Variants in CUL2 observed in about 807,000 individuals in gnomAD.
CUL2 encodes cullin-2.
In CUL2, 22 loss-of-function variants were observed where a neutral mutation model predicts 110.2. The observed-to-expected ratio is 0.20, with a 90% CI of 0.14 to 0.28. CUL2 has a LOEUF of 0.28. CUL2 is among the 10% of genes least tolerant of loss of function. The probability of loss-of-function intolerance (pLI) is 1.00; values close to 1 mark genes in which losing one functional copy is unlikely to be tolerated. For missense variants in CUL2, 631 were observed against 905.5 expected, an observed-to-expected ratio of 0.70 and a Z score of 3.89; for synonymous variants, 279 against 293.2, an observed-to-expected ratio of 0.95 and a Z score of 0.49.
chr10:35,033,565 T>C (rs1588973229), intron 10 of CUL2, among the ~76,000 whole-genome samples: 1 of 151,630 alleles, frequency 6.6e-6, no homozygotes, highest in Non-Finnish European at 1.5e-5. Flanking sequence ...TGAAACCCCG[T>C]CTCTACTAAA....
chr10:35,026,149 G>C (rs1162989891), intron 16 of CUL2, among the ~76,000 whole-genome samples: 1 of 152,128 alleles, frequency 6.6e-6, no homozygotes, highest in Non-Finnish European at 1.5e-5. Context: ...GAAATATGTT[G>C]AGCCTATTTT....
intron 1 of CUL2, among the ~76,000 whole-genome samples, chr10:35,125,892 C>T (rs2087778588): frequency 6.6e-6 from 1 of 152,156 alleles, no homozygotes; most frequent in African/African-American, 2.4e-5. Flanking sequence ...TGCAGTGGAA[C>T]GATCTCAGCT....
intron 16 of CUL2, among the ~76,000 whole-genome samples, chr10:35,027,118 AC>A (rs1218339854): frequency 6.6e-6 from 1 of 151,576 alleles, no homozygotes; most frequent in Non-Finnish European, 1.5e-5. Flanking sequence ...ATAGATAGCT[AC>A]ATTAATATAC....
chr10:35,027,223 C>T (rs1045809199), intron 16 of CUL2, among the ~76,000 whole-genome samples: 4 of 150,518 alleles, frequency 2.7e-5, no homozygotes, highest in Admixed American at 6.6e-5. Context: ...CGGCTCACTG[C>T]AACCTCCACC....
intron 17 of CUL2, 67 bp downstream of exon 17, chr10:35,025,065 C>A: frequency 2.1e-6 from 3 of 1,403,364 alleles, no homozygotes; most frequent in African/African-American, 1.5e-5. Context: ...CATAGAAAAC[C>A]TCTTTCTAAA....
intron 4 of CUL2, among the ~76,000 whole-genome samples, chr10:35,057,206 T>C (rs993423526): frequency 1.3e-5 from 2 of 152,216 alleles, no homozygotes; most frequent in Admixed American, 1.3e-4. Flanking sequence ...GAGCCAGGTA[T>C]TGATTTAGTG....
chr10:35,034,619 CA>C (rs369250154), intron 10 of CUL2, among the ~76,000 whole-genome samples: 2 of 152,198 alleles, frequency 1.3e-5, no homozygotes, highest in African/African-American at 4.8e-5. Flanking sequence ...ATGGGAAAGA[CA>C]AACTGTTACA....
intron 1 of CUL2, among the ~76,000 whole-genome samples, chr10:35,112,837 A>G (rs923978038): frequency 2.6e-5 from 4 of 152,158 alleles, no homozygotes; most frequent in East Asian, 1.9e-4. Context: ...ACTTACACCA[A>G]TAATCTTAAA....
chr10:35,033,040 C>T, intron 11 of CUL2, 126 bp downstream of exon 11: 1 of 447,290 alleles, frequency 2.2e-6, no homozygotes, highest in Non-Finnish European at 3.9e-6. Flanking sequence ...TTTTGAATTT[C>T]ATATCAAAAT....
At chr10:35,085,470 C>T (rs896466148) in intron 1 of CUL2, among the ~76,000 whole-genome samples, 3 of 142,578 alleles carry the variant, frequency 2.1e-5, no homozygotes, top group Non-Finnish European at 4.6e-5. Flanking sequence ...GGGCCAGGCG[C>T]GGTGTGGCTC....
intron 16 of CUL2, 90 bp downstream of exon 16, chr10:35,028,720 T>TA (rs756520379): frequency 1.2e-6 from 1 of 836,850 alleles, no homozygotes; most frequent in Non-Finnish European, 1.9e-6. Flanking sequence ...CATGAACCCT[T>TA]AAGACTCTGA....
chr10:35,043,585 C>T (rs1301202198), intron 8 of CUL2, among the ~76,000 whole-genome samples: 2 of 152,172 alleles, frequency 1.3e-5, no homozygotes, highest in Non-Finnish European at 2.9e-5. Flanking sequence ...GCTACATAAA[C>T]TAACACAAAC....
chr10:35,077,137 T>C (rs530703917), intron 1 of CUL2, among the ~76,000 whole-genome samples: 1 of 151,960 alleles, frequency 6.6e-6, no homozygotes, highest in Non-Finnish European at 1.5e-5. Context: ...ATGCAATATA[T>C]CCATACAATA....
At chr10:35,092,501 G>A (rs1446636211), upstream of CUL2, among the ~76,000 whole-genome samples, 1 of 152,188 alleles carries the variant, frequency 6.6e-6, no homozygotes, top group Non-Finnish European at 1.5e-5. Flanking sequence ...CTAATACTCT[G>A]TGTGAAGAAA....
At chr10:35,102,080 A>G (rs563478130) in intron 1 of CUL2, among the ~76,000 whole-genome samples, 43 of 152,120 alleles carry the variant, frequency 2.8e-4, no homozygotes, top group African/African-American at 1.0e-3. Context: ...TCTCTACCAA[A>G]AATACAAAAA....
intron 2 of CUL2, among the ~76,000 whole-genome samples, chr10:35,070,900 A>T (rs879685891): frequency 2.6e-5 from 4 of 151,104 alleles, no homozygotes; most frequent in African/African-American, 9.7e-5. Context: ...TTTTTTTTTT[A>T]CCTGTTTAGT....
chr10:35,122,842 T>C (rs1359698445), intron 1 of CUL2, among the ~76,000 whole-genome samples: 5 of 152,332 alleles, frequency 3.3e-5, no homozygotes, highest in Admixed American at 2.0e-4. Flanking sequence ...TTTGCCATAT[T>C]AGCCAGGCTG....
At chr10:35,053,053 A>G (rs747526826) in intron 5 of CUL2, among the ~76,000 whole-genome samples, 3 of 152,184 alleles carry the variant, frequency 2.0e-5, no homozygotes, top group Non-Finnish European at 2.9e-5. Flanking sequence ...GTAGAACTTT[A>G]TGTGTGCCGT....
intron 1 of CUL2, among the ~76,000 whole-genome samples, chr10:35,085,851 CT>C (rs1318205915): frequency 6.6e-6 from 1 of 152,020 alleles, no homozygotes; most frequent in Non-Finnish European, 1.5e-5. Context: ...AAAGAAACAG[CT>C]TTTTACAGCG....
Sources: gnomAD v4.1 joint callset for allele counts (sites outside exome capture counted in the v4.1 genomes callset) on GRCh38, gnomAD v4.1.1 for gene constraint, MANE v1.5 for transcripts, NCBI Gene and HGNC (gene_info 2026-07-23, HGNC 2026-07-21) for gene names.